Variants in C16orf74 observed in about 807,000 individuals in gnomAD.
C16orf74 encodes uncharacterized protein C16orf74.
A neutral mutation model predicts 6.5 loss-of-function variants in C16orf74; 10 were observed. The observed-to-expected ratio is 1.54, with a 90% CI of 0.95 to 2.61. The LOEUF (loss-of-function observed/expected upper bound fraction) is 2.61. C16orf74 is among the 30% of genes most tolerant of loss of function. The probability of loss-of-function intolerance (pLI) is 0.00; values close to 1 mark genes in which losing one functional copy is unlikely to be tolerated. For missense variants in C16orf74, 141 were observed against 105.9 expected, an observed-to-expected ratio of 1.33 and a Z score of -1.45; for synonymous variants, 60 against 42.5, an observed-to-expected ratio of 1.41 and a Z score of -1.60.
At chr16:85,744,696 G>A (rs1022222959) in intron 1 of C16orf74, among the ~76,000 whole-genome samples, 1 of 151,912 alleles carries the variant, frequency 6.6e-6, no homozygotes, top group African/African-American at 2.4e-5. Context: ...CAGGCATGGT[G>A]GCAGGCGCCT....
At chr16:85,730,307 T>G (rs565748052) in intron 2 of C16orf74, among the ~76,000 whole-genome samples, 1 of 152,196 alleles carries the variant, frequency 6.6e-6, no homozygotes, top group Non-Finnish European at 1.5e-5. Context: ...CATGTCTCAT[T>G]TCTAGTTGGT....
intron 2 of C16orf74, among the ~76,000 whole-genome samples, chr16:85,733,817 G>C (rs918560192): frequency 1.3e-5 from 2 of 152,150 alleles, no homozygotes; most frequent in African/African-American, 4.8e-5. Context: ...TGTCTGTCCG[G>C]CATCCCATCC....
intron 2 of C16orf74, among the ~76,000 whole-genome samples, chr16:85,722,644 T>C (rs2054094395): frequency 6.6e-6 from 1 of 151,880 alleles, no homozygotes; most frequent in African/African-American, 2.4e-5. Flanking sequence ...GGACCAGGAC[T>C]TTCCTGGACT....
In C16orf74 at chr16:85,735,213, C is replaced by A. The variant is rs377650299; in HGVS notation, c.5G>T (p.Gly2Val). 5.6e-6 allele frequency: 9 copies of A among 1,599,370 alleles called. No individual in the cohort carries two copies. In the African/African-American group the frequency reaches 1.2e-4, roughly 22 times the overall value. Residue 2 changes from glycine (G) to valine (V), a missense_variant, in exon 2 of 4, where the codon GGG becomes GTG. By Grantham distance (109) the Gly-to-Val change is moderately radical. Coordinates refer to ENST00000284245, the MANE Select transcript of C16orf74 (RefSeq NM_206967.3). ...ACCTTTCAGGCAGGACATCTTAAGC[C>A]CCATGTCGGCACCTCTGCAGGCCTG... M[G>V]LKMSCLKGFQ...
chr16:85,723,668 A>G (rs1015865437), intron 2 of C16orf74, among the ~76,000 whole-genome samples: 1 of 152,206 alleles, frequency 6.6e-6, no homozygotes, highest in Admixed American at 6.5e-5. Flanking sequence ...AGTGGATGGT[A>G]GAAGGATATT....
At chr16:85,736,456 AT>A (rs1384500559) in intron 1 of C16orf74, among the ~76,000 whole-genome samples, 1 of 152,110 alleles carries the variant, frequency 6.6e-6, no homozygotes, top group African/African-American at 2.4e-5. Flanking sequence ...GGGGAGGTGA[AT>A]GTGAAGATGG....
intron 2 of C16orf74, among the ~76,000 whole-genome samples, chr16:85,734,988 T>G (rs947621145): frequency 2.0e-5 from 3 of 152,192 alleles, no homozygotes; most frequent in Non-Finnish European, 4.4e-5. Flanking sequence ...AGTCACCCAC[T>G]GCTAGTGAAA....
chr16:85,750,755 G>A (rs2152068255), intron 1 of C16orf74, among the ~76,000 whole-genome samples, 171 bp downstream of exon 1: 1 of 152,298 alleles, frequency 6.6e-6, no homozygotes, highest in African/African-American at 2.4e-5. Flanking sequence ...AAGTCTGCAA[G>A]AAGTTGGGGG....
intron 1 of C16orf74, among the ~76,000 whole-genome samples, chr16:85,745,128 G>T: frequency 1.1e-5 from 1 of 92,372 alleles, no homozygotes; most frequent in Non-Finnish European, 1.9e-5. Context: ...GCAACAAGAC[G>T]AAACTCTGTC....
chr16:85,732,083 G>T (rs2054194869), intron 2 of C16orf74, among the ~76,000 whole-genome samples: 1 of 152,220 alleles, frequency 6.6e-6, no homozygotes, highest in Non-Finnish European at 1.5e-5. Flanking sequence ...AAAGAGAAGG[G>T]AAGACAGAAG....
At chr16:85,741,396 G>A (rs947515744) in intron 1 of C16orf74, among the ~76,000 whole-genome samples, 1 of 152,176 alleles carries the variant, frequency 6.6e-6, no homozygotes, top group African/African-American at 2.4e-5. Flanking sequence ...AAGGAAGGAA[G>A]GCAGGGAGGG....
Position 85,710,151 on chromosome 16 carries a change from G to A in C16orf74, c.172+13C>T, listed in dbSNP as rs1049062549. Reference sequence around the variant, plus strand: ...CAGCCGACCCGGCTTGGCGGTGGAGGGGACGGCCTCACCTGTGCTCCCCAA... The same window carrying A: ...CAGCCGACCCGGCTTGGCGGTGGAGAGGACGGCCTCACCTGTGCTCCCCAA... On this transcript the variant is annotated intron_variant, in intron 3 of 3. Transcript: ENST00000284245. 7.1e-7 allele frequency: 1 copy of A among 1,413,934 alleles called. No individual in the cohort carries two copies. Among genetic ancestry groups the A allele is most frequent in the East Asian group, 3.0e-5 (1 of 33,704 alleles). The allele number at this position is 1,413,934 out of a possible 1,614,324, so 87.6% of individuals were successfully genotyped here.
chr16:85,729,490 C>G (rs913866764), intron 2 of C16orf74, among the ~76,000 whole-genome samples: 2 of 152,214 alleles, frequency 1.3e-5, no homozygotes, highest in African/African-American at 2.4e-5. Flanking sequence ...TGTTGCCAGA[C>G]AGGAGAAGCA....
chr16:85,733,108 G>A (rs1261843278), intron 2 of C16orf74, among the ~76,000 whole-genome samples: 6 of 152,198 alleles, frequency 3.9e-5, no homozygotes, highest in South Asian at 4.1e-4. Flanking sequence ...TGGTTTCTCC[G>A]TCAAAGATGT....
chr16:85,730,865 C>A (rs441236), intron 2 of C16orf74, among the ~76,000 whole-genome samples: 134,960 of 142,014 alleles, frequency 0.95, 64,516 homozygotes, highest in East Asian at 1. Flanking sequence ...AAACCACAAA[C>A]CTAAATCCCC....
At chr16:85,715,754 C>T (rs542843479) in intron 2 of C16orf74, among the ~76,000 whole-genome samples, 11 of 152,242 alleles carry the variant, frequency 7.2e-5, no homozygotes, top group South Asian at 2.1e-4. Flanking sequence ...GGACTGGCTG[C>T]GGAGGGGAGC....
intron 1 of C16orf74, among the ~76,000 whole-genome samples, chr16:85,737,867 G>A (rs367865920): frequency 1.3e-5 from 2 of 151,672 alleles, no homozygotes; most frequent in East Asian, 1.9e-4. Flanking sequence ...TGTACAACCC[G>A]CAGCCCTCCA....
At chr16:85,714,984 G>A (rs111479739) in intron 2 of C16orf74, among the ~76,000 whole-genome samples, 13 of 151,066 alleles carry the variant, frequency 8.6e-5, no homozygotes, top group African/African-American at 2.7e-4. Context: ...ATGAAACCCC[G>A]TCTCTACTAA....
At chr16:85,730,098 C>A (rs939424648) in intron 2 of C16orf74, among the ~76,000 whole-genome samples, 1 of 152,146 alleles carries the variant, frequency 6.6e-6, no homozygotes, top group Non-Finnish European at 1.5e-5. Flanking sequence ...CTCAGAGCCC[C>A]TGGGGGAGCT....
Sources: gnomAD v4.1 joint callset for allele counts (sites outside exome capture counted in the v4.1 genomes callset) on GRCh38, gnomAD v4.1.1 for gene constraint, MANE v1.5 for transcripts, NCBI Gene and HGNC (gene_info 2026-07-23, HGNC 2026-07-21) for gene names.